ASTN1: variants seen among roughly 807,000 people sequenced by gnomAD.
ASTN1 encodes the protein astrotactin-1.
In ASTN1, 41 loss-of-function variants were observed where a neutral mutation model predicts 140.7. The ratio of observed to expected loss-of-function variants is 0.29; its 90% CI spans 0.23 to 0.38. ASTN1 has a LOEUF of 0.38. Among genes scored for constraint, ASTN1 ranks in the 10% least tolerant of loss-of-function variants. The pLI, the probability that ASTN1 is intolerant of heterozygous loss-of-function variation, is 1.00. For synonymous variants in ASTN1, 640 were observed against 652.2 expected, an observed-to-expected ratio of 0.98 and a Z score of 0.29; for missense variants, 1,479 against 1,678.8, an observed-to-expected ratio of 0.88 and a Z score of 2.08.
At chr1:177,153,525 C>G (rs533608309) in intron 1 of ASTN1, among the ~76,000 whole-genome samples, 1 of 152,136 alleles carries the variant, frequency 6.6e-6, no homozygotes, top group South Asian at 2.1e-4. Context: ...AAACTACATA[C>G]CACAATAAAT....
chr1:176,986,792 T>C (rs1673928636), intron 8 of ASTN1, among the ~76,000 whole-genome samples: 1 of 152,176 alleles, frequency 6.6e-6, no homozygotes, highest in South Asian at 2.1e-4. Context: ...AAGAAAATAA[T>C]AGTCACCTTA....
At chr1:176,883,316 T>C (rs1432794585) in intron 19 of ASTN1, among the ~76,000 whole-genome samples, 1 of 146,102 alleles carries the variant, frequency 6.8e-6, no homozygotes, top group Non-Finnish European at 1.5e-5. Context: ...CACTGCAACC[T>C]CCGCCTCCTG....
At chr1:176,926,068 G>A (rs534872485) in intron 16 of ASTN1, among the ~76,000 whole-genome samples, 6 of 152,108 alleles carry the variant, frequency 3.9e-5, no homozygotes, top group East Asian at 3.9e-4. Context: ...TGGCCTCCCA[G>A]AGTGCTGGGA....
At chr1:176,980,828 T>C (rs572307755) in intron 8 of ASTN1, among the ~76,000 whole-genome samples, 1 of 152,292 alleles carries the variant, frequency 6.6e-6, no homozygotes, top group East Asian at 1.9e-4. Flanking sequence ...AGAAATCTGT[T>C]AGAAGGGTAA....
chr1:176,996,435 C>A (rs538783931), intron 8 of ASTN1, among the ~76,000 whole-genome samples: 1 of 152,178 alleles, frequency 6.6e-6, no homozygotes, highest in South Asian at 2.1e-4. Context: ...CCTTCCCAAC[C>A]CCCATCCCAT....
At chr1:176,999,868 T>C (rs928816421) in intron 8 of ASTN1, among the ~76,000 whole-genome samples, 8 of 152,160 alleles carry the variant, frequency 5.3e-5, no homozygotes, top group African/African-American at 1.7e-4. Context: ...AGAGGTGCCA[T>C]CCACCATGTT....
chr1:177,099,386 A>G (rs1380332385), intron 1 of ASTN1, among the ~76,000 whole-genome samples: 1 of 152,088 alleles, frequency 6.6e-6, no homozygotes, highest in Non-Finnish European at 1.5e-5. Context: ...TCTATAATGA[A>G]CATATCCTAG....
intron 1 of ASTN1, among the ~76,000 whole-genome samples, chr1:177,078,226 C>G (rs1679011245): frequency 6.6e-6 from 1 of 152,144 alleles, no homozygotes; most frequent in Non-Finnish European, 1.5e-5. Flanking sequence ...CCCCAGAGCC[C>G]CAGCTGTCCT....
At chr1:177,091,122 G>A (rs892155744) in intron 1 of ASTN1, among the ~76,000 whole-genome samples, 1 of 152,106 alleles carries the variant, frequency 6.6e-6, no homozygotes, top group Admixed American at 6.6e-5. Flanking sequence ...TTTGGATTAG[G>A]TGCATGTACT....
chr1:177,132,734 G>A (rs1681999521), intron 1 of ASTN1, among the ~76,000 whole-genome samples: 1 of 152,110 alleles, frequency 6.6e-6, no homozygotes, highest in African/African-American at 2.4e-5. Flanking sequence ...ATCCTGCCTT[G>A]GTATACCTTC....
intron 8 of ASTN1, among the ~76,000 whole-genome samples, chr1:177,007,352 T>C (rs184302222): frequency 2.6e-5 from 4 of 152,184 alleles, no homozygotes; most frequent in Admixed American, 2.6e-4. Context: ...GATAGCACCA[T>C]TGCACTCCAG....
At chr1:177,082,153 G>A (rs1679210539) in intron 1 of ASTN1, among the ~76,000 whole-genome samples, 1 of 152,144 alleles carries the variant, frequency 6.6e-6, no homozygotes, top group African/African-American at 2.4e-5. Context: ...AAGTGCATAG[G>A]AAAATTCTTG....
chr1:176,880,537 A>G (rs1365454182), intron 20 of ASTN1, among the ~76,000 whole-genome samples: 1 of 152,194 alleles, frequency 6.6e-6, no homozygotes, highest in East Asian at 1.9e-4. Context: ...AGAATGCTGG[A>G]CCAGACATAC....
At chr1:177,093,680 C>G (rs1203182203) in intron 1 of ASTN1, among the ~76,000 whole-genome samples, 1 of 152,148 alleles carries the variant, frequency 6.6e-6, no homozygotes, top group East Asian at 1.9e-4. Context: ...AGGGCTTTTC[C>G]TGCTTCTGAA....
chr1:177,130,215 A>G (rs948926396), intron 1 of ASTN1, among the ~76,000 whole-genome samples: 2 of 152,104 alleles, frequency 1.3e-5, no homozygotes, highest in African/African-American at 4.8e-5. Context: ...CAAAACAGCC[A>G]CCTTGTCTCA....
intron 16 of ASTN1, among the ~76,000 whole-genome samples, chr1:176,928,496 T>C (rs937602235): frequency 3.9e-5 from 6 of 152,216 alleles, no homozygotes; most frequent in East Asian, 1.9e-4. Flanking sequence ...TATAAAGAGC[T>C]GTGAGAGCAT....
intron 16 of ASTN1, among the ~76,000 whole-genome samples, chr1:176,900,188 G>A (rs1179300175): frequency 1.3e-5 from 2 of 152,162 alleles, no homozygotes; most frequent in African/African-American, 4.8e-5. Flanking sequence ...GAAGAAAGGA[G>A]AAAGCATTAT....
intron 1 of ASTN1, among the ~76,000 whole-genome samples, chr1:177,105,200 G>A (rs1007691884): frequency 6.6e-6 from 1 of 152,006 alleles, no homozygotes; most frequent in Non-Finnish European, 1.5e-5. Context: ...ATGCTTGTAC[G>A]GGATTTAGCC....
At chr1:177,021,096 T>C (rs966194251) in intron 7 of ASTN1, among the ~76,000 whole-genome samples, 2 of 152,238 alleles carry the variant, frequency 1.3e-5, no homozygotes, top group African/African-American at 4.8e-5. Context: ...TTCTTACTGA[T>C]GAGCATGTGG....
Sources: gnomAD v4.1 joint callset for allele counts (sites outside exome capture counted in the v4.1 genomes callset) on GRCh38, gnomAD v4.1.1 for gene constraint, MANE v1.5 for transcripts, NCBI Gene and HGNC (gene_info 2026-07-23, HGNC 2026-07-21) for gene names.